Variants in CFAP410 observed in about 807,000 individuals in gnomAD.
CFAP410 encodes cilia and flagella associated protein 410.
CFAP410 carries 27 observed loss-of-function variants against 25.7 expected under a neutral mutation model. The ratio of observed to expected loss-of-function variants is 1.05; its 90% CI spans 0.77 to 1.45. CFAP410 has a LOEUF of 1.45. Ranked by LOEUF, CFAP410 falls within the 40% of genes most tolerant of loss-of-function variation. The pLI is 0.00. For missense variants in CFAP410, 428 were observed against 354.1 expected (o/e 1.21, Z -1.67); for synonymous variants, 178 against 158.4 (o/e 1.12, Z -0.93).
Position 44,335,784 on chromosome 21 carries a change from C to T in CFAP410, c.117G>A (p.Met39Ile), listed in dbSNP as rs1476057526. 6.3e-7 allele frequency: 1 copy of T among 1,592,766 alleles called. No individual in the cohort carries two copies. The change falls in exon 3 of 7, where the codon ATG (methionine) becomes ATA (isoleucine). Residue 39 changes from methionine to isoleucine, a missense_variant. Met to Ile is a conservative substitution (Grantham distance 10). Transcript: ENST00000339818. ...TGAGCGTGATCACCTCCAGGCTGGG[C>T]ATCTCCTGGCAAATGGAGATCTAGG... ...RLTDISICQE[M>I]PSLEVITLSV...
chr21:44,330,842 G>C lies in CFAP410; in HGVS notation c.623C>G (p.Ser208Trp). Reference sequence around the variant, plus strand: ...ACTCACCCTGCCCCTGTGGCTGCTCGAGGCATCCCTGGCTGAGAGGGAAGG... The same window carrying C: ...ACTCACCCTGCCCCTGTGGCTGCTCCAGGCATCCCTGGCTGAGAGGGAAGG... ...QFPSLSARDASSSHRGRNVLT... is the reference protein window; with the variant it reads ...QFPSLSARDAWSSHRGRNVLT... Residue 208 changes from serine to tryptophan, a missense_variant, in exon 6 of 7, where the codon TCG becomes TGG. Physicochemically the swap from Ser to Trp is radical, Grantham distance 177 (BLOSUM62 -3). Transcript: ENST00000339818. 6.2e-7 allele frequency: 1 copy of C among 1,605,484 alleles called. No individual in the cohort carries two copies. Among genetic ancestry groups the C allele is most frequent in the Non-Finnish European group, 8.5e-7 (1 of 1,176,470 alleles).
intron 4 of CFAP410, chr21:44,332,789 C>G: frequency 1.8e-6 from 1 of 554,352 alleles, no homozygotes; most frequent in Non-Finnish European, 3.2e-6. Context: ...GTCCTGCGGT[C>G]GTTGGGGGAT....
chr21:44,332,944 G>A lies in CFAP410; in HGVS notation c.373+89C>T, dbSNP rs997731276. The stretch of plus-strand genomic sequence containing the variant: ...CTATGTCCCGCCAGACCAGGTATTT[G>A]CAGAAAAGGAGAAGAGAAAAGAGGG... On this transcript the variant is annotated intron_variant, in intron 4 of 6. Coordinates refer to ENST00000339818, the MANE Select transcript of CFAP410 (RefSeq NM_004928.3). 4 of 867,674 alleles carry A rather than the reference G, an allele frequency of 4.6e-6. No homozygotes were observed. In the African/African-American group the frequency reaches 6.8e-5, roughly 15 times the overall value. 53.7% of individuals were successfully genotyped at this position (867,674 alleles called of 1,614,324 possible). A position where few individuals can be genotyped will look rare whatever the true frequency, so the allele number is the denominator to read the frequency against.
rs200038076 is a variant in CFAP410, at chr21:44,335,741, C to T, written c.143+17G>A. The T allele has an allele frequency of 3.9e-5, 61 of 1,580,004 alleles. No individual in the cohort carries two copies. The African/African-American group carries it at 4.6e-4, about 12-fold the overall frequency. On this transcript the variant is annotated intron_variant, in intron 3 of 6. Coordinates refer to ENST00000339818, the MANE Select transcript of CFAP410 (RefSeq NM_004928.3). Reference sequence around the variant, plus strand: ...CTTCCAGGCCCCAGGCTGAGCATGACAGCAGGAGCGAGGTACCTGAGCGTG... The same window carrying T: ...CTTCCAGGCCCCAGGCTGAGCATGATAGCAGGAGCGAGGTACCTGAGCGTG...
In CFAP410 at chr21:44,339,177, C is replaced by T. The variant is rs375087550; in HGVS notation, c.18G>A (p.Lys6=). The T allele has an allele frequency of 3.6e-4, 524 of 1,469,714 alleles. 3 individuals are homozygous for T. In the African/African-American group the frequency reaches 5.6e-3, roughly 16 times the overall value. The allele number at this position is 1,469,714 out of a possible 1,614,324, so 91.0% of individuals were successfully genotyped here. MKLTR[K]MVLTRAKASE... ...AGGCCTTGGCCCGGGTCAGAACCATCTTCCGCGTCAGCTTCATGGCGGCCG... is the reference window on the plus strand; with the variant it reads ...AGGCCTTGGCCCGGGTCAGAACCATTTTCCGCGTCAGCTTCATGGCGGCCG... The change falls in exon 1 of 7, where the codon AAG becomes AAA. Residue 6 remains lysine, a synonymous_variant. Coordinates refer to ENST00000339818, the MANE Select transcript of CFAP410 (RefSeq NM_004928.3).
At position 44,332,028 on chromosome 21, in the gene CFAP410, G is replaced by A. The variant is rs1163964548; in HGVS notation, c.374-14C>T. 1 of 1,585,866 alleles carries A rather than the reference G, an allele frequency of 6.3e-7. No homozygotes were observed. Among genetic ancestry groups the A allele is most frequent in the East Asian group, 2.3e-5 (1 of 43,764 alleles). The stretch of plus-strand genomic sequence containing the variant: ...CCTCCGTCACAGCTTTGGGATGAAA[G>A]ACAGAAGACAGCATGAGTGGCCTCA... On this transcript the variant is annotated splice_polypyrimidine_tract_variant and intron_variant, in intron 4 of 6. Coordinates refer to ENST00000339818, the MANE Select transcript of CFAP410 (RefSeq NM_004928.3).
chr21:44,332,708 G>A (rs544978124), intron 4 of CFAP410: 2 of 362,404 alleles, frequency 5.5e-6, no homozygotes, highest in African/African-American at 2.0e-5. Flanking sequence ...TCGCCATGGC[G>A]CATGGCGATG....
chr21:44,339,295 C>T lies in CFAP410; in HGVS notation c.-101G>A, dbSNP rs1181251378. On this transcript the variant is annotated 5_prime_UTR_variant, in exon 1 of 7. Coordinates refer to ENST00000339818, the MANE Select transcript of CFAP410 (RefSeq NM_004928.3). The stretch of plus-strand genomic sequence containing the variant: ...TCTCCAGGGGCGGGGCCCGCGTCGT[C>T]AGGGGCGGATCCTGAGCCGATTGGC... 6 of 711,118 alleles carry T rather than the reference C, an allele frequency of 8.4e-6. No homozygotes were observed. The highest frequency in any genetic ancestry group is 3.5e-5 in the East Asian group (1 of 28,926). 44.1% of individuals were successfully genotyped at this position (711,118 alleles called of 1,614,324 possible). A position where few individuals can be genotyped will look rare whatever the true frequency, so the allele number is the denominator to read the frequency against.
Position 44,333,083 on chromosome 21 carries a change from C to T in CFAP410, c.323G>A (p.Arg108His), listed in dbSNP as rs754351767. The change falls in exon 4 of 7, where the codon CGC becomes CAC. Residue 108 changes from arginine (R) to histidine (H), a missense_variant. Transcript: ENST00000339818. The stretch of plus-strand genomic sequence containing the variant: ...CGGCAGGGTGCGCAGCACGGTCATG[C>T]GGTAGCGGTGGGGGCTGGTGCCGCA... ...PCCGTSPHRY[R>H]MTVLRTLPRL... 3.2e-5 allele frequency: 52 copies of T among 1,609,452 alleles called. No homozygotes were observed. Among genetic ancestry groups the T allele is most frequent in the Non-Finnish European group, 3.8e-5 (45 of 1,178,388 alleles).
At chr21:44,331,048 G>A (rs2047639046) in intron 5 of CFAP410, 129 bp from the exon 6 acceptor site, 1 of 850,922 alleles carries the variant, frequency 1.2e-6, no homozygotes, top group Non-Finnish European at 1.8e-6. Flanking sequence ...GCACACGGGG[G>A]CAAGAGAAGG....
At chr21:44,334,533 CGCT>C (rs2047718109) in intron 3 of CFAP410, 1 of 20,424 alleles carries the variant, frequency 4.9e-5, no homozygotes, top group African/African-American at 3.2e-4. Context: ...CCCCCCCCCC[CGCT>C]CAACCTCTGG....
At chr21:44,334,529 C>CCCT in intron 3 of CFAP410, 1 of 30,314 alleles carries the variant, frequency 3.3e-5, no homozygotes, top group Non-Finnish European at 6.6e-5. Flanking sequence ...CCCCCCCCCC[C>CCCT]CCCCGCTCAA....
At position 44,331,886 on chromosome 21, in the gene CFAP410, C is replaced by T. The variant is rs2047654544; in HGVS notation, c.502G>A (p.Ala168Thr). ...CCTLSSLSSAAETGRDPLDSE... is the reference protein window; with the variant it reads ...CCTLSSLSSATETGRDPLDSE... Reference sequence around the variant, plus strand: ...TCCAGCGGGTCCCGGCCAGTCTCAGCAGCGGAGCTGAGGGAGCTCAGTGTG... The same window carrying T: ...TCCAGCGGGTCCCGGCCAGTCTCAGTAGCGGAGCTGAGGGAGCTCAGTGTG... The change falls in exon 5 of 7, where the codon GCT becomes ACT. Residue 168 changes from alanine (A) to threonine (T), a missense_variant. By Grantham distance (58) the Ala-to-Thr change is moderately conservative (BLOSUM62 0). Coordinates refer to ENST00000339818, the MANE Select transcript of CFAP410 (RefSeq NM_004928.3). The T allele has an allele frequency of 1.2e-6, 2 of 1,612,754 alleles. No individual in the cohort carries two copies.
Position 44,331,939 on chromosome 21 carries a change from G to A in CFAP410, c.449C>T (p.Thr150Ile), listed in dbSNP as rs2277809. The change falls in exon 5 of 7, where the codon ACA becomes ATA. Residue 150 changes from threonine (T) to isoleucine (I), a missense_variant. Thr to Ile is a moderately conservative substitution (Grantham distance 89). Transcript: ENST00000339818. ...GCATAGCTTGGGGCCGCCGTGGCCTGTGCCCTCTCTCTCTGGGGCCGCAGT... is the reference window on the plus strand; with the variant it reads ...GCATAGCTTGGGGCCGCCGTGGCCTATGCCCTCTCTCTCTGGGGCCGCAGT... ...EITAAPEREGTGHGGPKLCCT... is the reference protein window; with the variant it reads ...EITAAPEREGIGHGGPKLCCT... The A allele has an allele frequency of 0.029, 46,489 of 1,613,518 alleles. 912 individuals carry two copies. The highest frequency in any genetic ancestry group is 0.067 in the South Asian group (6,055 of 91,028).
intron 2 of CFAP410, 33 bp downstream of exon 2, chr21:44,337,616 G>C: frequency 3.1e-6 from 5 of 1,604,696 alleles, no homozygotes; most frequent in Non-Finnish European, 4.3e-6. Flanking sequence ...GAGATGATCA[G>C]TGCAATACTT....
At position 44,330,080 on chromosome 21, in the gene CFAP410, C is replaced by CG. The variant is rs1323543562; in HGVS notation, c.*117dup. On this transcript the variant is annotated 3_prime_UTR_variant, in exon 7 of 7. Coordinates refer to ENST00000339818, the MANE Select transcript of CFAP410 (RefSeq NM_004928.3). ...CCTGCCCTCGGCCGATGTGGCAAAC[C>CG]GGGGAGGCTTTTGTGTGGGGCCGGG... The CG allele has an allele frequency of 4.9e-6, 6 of 1,231,474 alleles. No individual in the cohort carries two copies. In the East Asian group the frequency reaches 1.5e-4, roughly 32 times the overall value. The allele number at this position is 1,231,474 out of a possible 1,614,324, so 76.3% of individuals were successfully genotyped here. A position where few individuals can be genotyped will look rare whatever the true frequency, so the allele number is the denominator to read the frequency against.
At chr21:44,334,190 G>A in intron 3 of CFAP410, 1 of 456,342 alleles carries the variant, frequency 2.2e-6, no homozygotes, top group Non-Finnish European at 4.4e-6. Flanking sequence ...AGTCAGGCGT[G>A]CAGGCACCAC....
At chr21:44,333,881 C>T (rs2047699062) in intron 3 of CFAP410, 5 of 356,296 alleles carry the variant, frequency 1.4e-5, no homozygotes, top group East Asian at 7.4e-5. Context: ...CCCTCAAAGG[C>T]GCGGAGCCAG....
rs1311616380 is a variant in CFAP410 at position 44,333,248 on chromosome 21, G to A, written c.158C>T (p.Ser53Phe). 1 of 1,611,688 alleles carries A rather than the reference G, an allele frequency of 6.2e-7. No individual in the cohort carries two copies. The highest frequency in any genetic ancestry group is 1.1e-5 in the South Asian group (1 of 90,832). Residue 53 changes from serine (S) to phenylalanine (F), a missense_variant, in exon 4 of 7, where the codon TCC becomes TTC. Coordinates refer to ENST00000339818, the MANE Select transcript of CFAP410 (RefSeq NM_004928.3). Reference protein sequence around the residue: ...EVITLSVNSISTLEPVSRCQR... With the variant: ...EVITLSVNSIFTLEPVSRCQR... ...GCACCGGCTCACAGGCTCCAGGGTG[G>A]AGATGCTGTTGACACTGCACGGAGA...
Sources: gnomAD v4.1 joint callset for allele counts on GRCh38, gnomAD v4.1.1 for gene constraint, MANE v1.5 for transcripts, NCBI Gene and HGNC (gene_info 2026-07-23, HGNC 2026-07-21) for gene names.